The following RASAL1 variants were observed in gnomAD, a reference collection of about 807,000 sequenced individuals.
RASAL1 encodes the protein rasGAP-activating-like protein 1.
RASAL1 carries 72 observed loss-of-function variants against 96.6 expected under a neutral mutation model. The observed-to-expected ratio is 0.75, with a 90% CI of 0.62 to 0.91. The LOEUF is 0.91. RASAL1 is among the 40% of genes least tolerant of loss of function. RASAL1 has a pLI of 0.00. For missense variants in RASAL1, 1,016 were observed against 1,072.5 expected (o/e 0.95, Z 0.74); for synonymous variants, 405 against 430.4 (o/e 0.94, Z 0.73).
rs375972115 is a variant in RASAL1 at position 113,130,873 on chromosome 12, G to T, written c.122+12C>A. 7.0e-5 allele frequency: 113 copies of T among 1,610,620 alleles called. No homozygotes were observed. The African/African-American group carries it at 1.3e-3, about 18-fold the overall frequency. On this transcript the variant is annotated intron_variant, in intron 2 of 20. Coordinates refer to ENST00000548055, the MANE Select transcript of RASAL1 (RefSeq NM_001301202.2). This position sits in a 1 kb window ranked among gnomAD's most constrained non-coding sequence, Gnocchi z 5.1. ...CTCCCTTCCTCCTCTCCCCCGTGTC[G>T]CCACCCCTCACCTGGCCACCACCTC...
chr12:113,124,132 C>T (rs1332637037), intron 4 of RASAL1, among the ~76,000 whole-genome samples: 4 of 149,668 alleles, frequency 2.7e-5, no homozygotes, highest in East Asian at 2.0e-4. Context: ...GCATGAGAAT[C>T]GCTTGAAACT....
chr12:113,119,032 C>T lies in RASAL1; in HGVS notation c.642+96G>A, dbSNP rs567475493. 1.1e-5 allele frequency: 15 copies of T among 1,427,570 alleles called. 1 individual carries two copies. In the South Asian group the frequency reaches 1.8e-4, roughly 17 times the overall value. The allele number at this position is 1,427,570 out of a possible 1,614,324, so 88.4% of individuals were successfully genotyped here. On this transcript the variant is annotated intron_variant, in intron 7 of 20. Transcript: ENST00000548055. ...ACCTGATGAGGCAGCTGTACATCCA[C>T]CCTTCTGAGAGCCAGGAGGCTCAGC...
At chr12:113,109,128 G>T (rs117091084) in intron 13 of RASAL1, among the ~76,000 whole-genome samples, 1 of 149,180 alleles carries the variant, frequency 6.7e-6, no homozygotes, top group Non-Finnish European at 1.5e-5. Context: ...TGATCCAGCC[G>T]CCTCAGCCTC....
chr12:113,122,098 G>A (rs1951315802), intron 4 of RASAL1, among the ~76,000 whole-genome samples: 1 of 152,156 alleles, frequency 6.6e-6, no homozygotes. Flanking sequence ...TTCAGATGAG[G>A]AAAATGAGGC....
At chr12:113,123,532 C>T (rs1316367993) in intron 4 of RASAL1, among the ~76,000 whole-genome samples, 1 of 102,192 alleles carries the variant, frequency 9.8e-6, no homozygotes, top group Non-Finnish European at 2.0e-5. Flanking sequence ...CAGGGAAATC[C>T]TTCATGGTCT....
chr12:113,134,418 A>T (rs1425350835), intron 1 of RASAL1, among the ~76,000 whole-genome samples: 1 of 152,112 alleles, frequency 6.6e-6, no homozygotes, highest in South Asian at 2.1e-4. Flanking sequence ...GCTCCTGCTC[A>T]CCTGGGCCAC....
upstream of RASAL1, chr12:113,136,376 T>C (rs1157300373): frequency 6.6e-6 from 1 of 152,268 alleles, no homozygotes; most frequent in Non-Finnish European, 1.5e-5. Flanking sequence ...GAACACTTCA[T>C]GGGTGCCAGG....
chr12:113,112,161 G>T lies in RASAL1; in HGVS notation c.1299C>A (p.Cys433Ter). 1 of 1,253,860 alleles carries T rather than the reference G, an allele frequency of 8.0e-7. No homozygotes were observed. 77.7% of individuals were successfully genotyped at this position (1,253,860 alleles called of 1,614,324 possible). A position where few individuals can be genotyped will look rare whatever the true frequency, so the allele number is the denominator to read the frequency against. Reference sequence around the variant, plus strand: ...TGAAGGCGAGGCGCATGGCGGGCGGGCAGCGCCCCACGGAGCCCACGATGG... The same window carrying T: ...TGAAGGCGAGGCGCATGGCGGGCGGTCAGCGCCCCACGGAGCCCACGATGG... Reference protein sequence around the residue: ...VDAIVGSVGRCPPAMRLAFKQ... With the variant: ...VDAIVGSVGR The change falls in exon 13 of 21, where the codon TGC (cysteine) becomes TGA (stop). Residue 433 changes from cysteine (C) to a stop codon, truncating the protein, a stop_gained. Transcript: ENST00000548055. LOFTEE classifies it high-confidence loss of function.
At chr12:113,119,737 G>A (rs959816551) in intron 5 of RASAL1, among the ~76,000 whole-genome samples, 1 of 152,084 alleles carries the variant, frequency 6.6e-6, no homozygotes, top group Non-Finnish European at 1.5e-5. Flanking sequence ...CAGGGAGGGG[G>A]AAAAGAGAGC....
chr12:113,128,137 T>TC lies in RASAL1; in HGVS notation c.163dup (p.Glu55GlyfsTer21). On this transcript the variant is annotated frameshift_variant, in exon 3 of 21. Transcript: ENST00000548055. LOFTEE classifies it high-confidence loss of function. Reference sequence around the variant, plus strand: ...CAGAGGCAGGTGCACCGTGTACTCCTCCCCCCAGAAGGGGCCCAGGCTCCT... The same window carrying TC: ...CAGAGGCAGGTGCACCGTGTACTCCTCCCCCCCAGAAGGGGCCCAGGCTCCT... 1 of 1,612,850 alleles carries TC rather than the reference T, an allele frequency of 6.2e-7. No individual in the cohort carries two copies. Among genetic ancestry groups the TC allele is most frequent in the Non-Finnish European group, 8.5e-7 (1 of 1,179,752 alleles).
intron 15 of RASAL1, among the ~76,000 whole-genome samples, chr12:113,106,812 TG>T (rs1950662336): frequency 6.6e-6 from 1 of 152,202 alleles, no homozygotes; most frequent in African/African-American, 2.4e-5. Flanking sequence ...GAACTGTGCC[TG>T]TTATTTAGTA....
intron 13 of RASAL1, 139 bp from the exon 14 acceptor site, chr12:113,108,361 C>T (rs545816778): frequency 8.6e-5 from 93 of 1,080,698 alleles, no homozygotes; most frequent in Non-Finnish European, 1.1e-4. Context: ...ACCGGCTGGC[C>T]GAGGAAGTTT....
At chr12:113,127,417 G>A (rs1029577293) in intron 4 of RASAL1, among the ~76,000 whole-genome samples, 18 of 152,132 alleles carry the variant, frequency 1.2e-4, no homozygotes, top group Non-Finnish European at 2.2e-4. Flanking sequence ...AGGCCAAGGT[G>A]GGAGGATTGC....
At chr12:113,103,880 G>T in intron 18 of RASAL1, 66 bp downstream of exon 18, 20 of 1,538,678 alleles carry the variant, frequency 1.3e-5, no homozygotes, top group Non-Finnish European at 1.7e-5. Flanking sequence ...AGCCCAGGCG[G>T]AAGTGGGACA....
At chr12:113,131,968 C>CG (rs781592846) in intron 1 of RASAL1, among the ~76,000 whole-genome samples, 5 of 118,716 alleles carry the variant, frequency 4.2e-5, no homozygotes, top group Admixed American at 8.6e-5. Flanking sequence ...TCTTCTTCTT[C>CG]TTTTTTTTTT....
chr12:113,107,722 C>T, intron 14 of RASAL1: 1 of 389,970 alleles, frequency 2.6e-6, no homozygotes, highest in Non-Finnish European at 4.9e-6. Flanking sequence ...TAACCTTATT[C>T]TGTTCCCTCC....
intron 5 of RASAL1, among the ~76,000 whole-genome samples, chr12:113,121,118 T>A (rs908785409): frequency 6.6e-6 from 1 of 152,136 alleles, no homozygotes; most frequent in Non-Finnish European, 1.5e-5. Flanking sequence ...AAAGACAGAT[T>A]CCTAATGGCA....
chr12:113,119,253 T>C lies in RASAL1; in HGVS notation c.517A>G (p.Lys173Glu), dbSNP rs1951198516. Residue 173 changes from lysine (K) to glutamate (E), a missense_variant, in exon 7 of 21, where the codon AAG (lysine) becomes GAG (glutamate). Physicochemically the swap from Lys to Glu is moderately conservative, Grantham distance 56. Transcript: ENST00000548055. ...GSQSLETSTI[K>E]KTRFPHWDEV... The stretch of plus-strand genomic sequence containing the variant: ...TCCCAGTGCGGGAAGCGAGTCTTCT[T>C]GATGGTCTGAGGGCGAAGGAAGTGG... 2.5e-6 allele frequency: 4 copies of C among 1,613,076 alleles called. No homozygotes were observed. The highest frequency in any genetic ancestry group is 1.7e-4 in the Middle Eastern group (1 of 6,058).
Position 113,099,911 on chromosome 12 carries a change from G to C in RASAL1, c.*18C>G, listed in dbSNP as rs567396390. 5.1e-5 allele frequency: 81 copies of C among 1,603,102 alleles called. No individual in the cohort carries two copies. The South Asian group carries it at 8.5e-4, about 17-fold the overall frequency. On this transcript the variant is annotated 3_prime_UTR_variant, in exon 21 of 21. Transcript: ENST00000548055. ...CCCTGGCTCTTGCTCCTCCTTCCGGGCTAGCTCTGGCATTTCCTTAGGGGC... is the reference window on the plus strand; with the variant it reads ...CCCTGGCTCTTGCTCCTCCTTCCGGCCTAGCTCTGGCATTTCCTTAGGGGC...
Sources: allele counts gnomAD v4.1 joint callset (sites outside exome capture counted in the v4.1 genomes callset), GRCh38; gene constraint gnomAD v4.1.1; non-coding constraint Gnocchi (gnomAD v3.1); transcripts MANE v1.5; gene names NCBI Gene and HGNC (gene_info 2026-07-23, HGNC 2026-07-21).